The following CNBD1 variants were observed in gnomAD, a reference collection of about 807,000 sequenced individuals.
The protein encoded by CNBD1 is cyclic nucleotide-binding domain-containing protein 1.
CNBD1 carries 71 observed loss-of-function variants against 54.4 expected under a neutral mutation model. That is an observed-to-expected ratio of 1.30 (90% CI 1.08 to 1.59). The LOEUF (loss-of-function observed/expected upper bound fraction) is 1.59, where lower values mean the gene tolerates loss of function less well. Ranked by LOEUF, CNBD1 falls within the 40% of genes most tolerant of loss-of-function variation. CNBD1 has a pLI of 0.00. For missense variants in CNBD1, 659 were observed against 518.0 expected (o/e 1.27, Z -2.64); for synonymous variants, 182 against 170.7 (o/e 1.07, Z -0.51).
chr8:87,356,131 A>C (rs1221021911), intron 10 of CNBD1, among the ~76,000 whole-genome samples: 1 of 152,154 alleles, frequency 6.6e-6, no homozygotes. Flanking sequence ...GAGCCAAATA[A>C]ACTTCTTTTC....
chr8:87,182,508 C>T lies in CNBD1; in HGVS notation c.432-23485C>T, dbSNP rs113592032. Among the ~76,000 whole-genome samples, 2 of 152,066 alleles carry T rather than the reference C, an allele frequency of 1.3e-5. No individual in the cohort carries two copies. Among genetic ancestry groups the T allele is most frequent in the Non-Finnish European group, 2.9e-5 (2 of 68,018 alleles). On this transcript the variant is annotated intron_variant, in intron 4 of 10. Transcript: ENST00000518476. This position sits in a 1 kb window ranked among gnomAD's most constrained non-coding sequence, Gnocchi z 4.1. ...ATAGCTGAAATAATTACATTCCCACCAACAGGGTGCAAGAATTCCCTTTTC... is the reference window on the plus strand; with the variant it reads ...ATAGCTGAAATAATTACATTCCCACTAACAGGGTGCAAGAATTCCCTTTTC...
chr8:86,993,184 T>C (rs1407147138), intron 4 of CNBD1, among the ~76,000 whole-genome samples: 1 of 152,074 alleles, frequency 6.6e-6, no homozygotes, highest in Admixed American at 6.5e-5. Context: ...TTTGTCTGAG[T>C]GCACTGACTT....
intron 2 of CNBD1, among the ~76,000 whole-genome samples, chr8:87,405,796 C>A (rs1446264427): frequency 1.3e-5 from 2 of 152,062 alleles, no homozygotes; most frequent in Admixed American, 1.3e-4. Context: ...GCTAATACAC[C>A]CTGGTCACTG....
intron 5 of CNBD1, among the ~76,000 whole-genome samples, chr8:87,224,585 C>G (rs533284021): frequency 6.6e-6 from 1 of 151,478 alleles, no homozygotes; most frequent in Admixed American, 6.6e-5. Flanking sequence ...GGGCTCTGTT[C>G]TGTTCCATTG....
intron 2 of CNBD1, among the ~76,000 whole-genome samples, chr8:87,421,771 G>C (rs1224255545): frequency 1.3e-4 from 19 of 144,798 alleles, no homozygotes; most frequent in African/African-American, 4.4e-4. Flanking sequence ...ATGATTTATA[G>C]TCCTTTGGGT....
In CNBD1 at chr8:86,878,105, TGAGAGA is replaced by T. The variant is rs34491735; in HGVS notation, c.89-9416_89-9411del. ...CTGTGTGTGTGTGTGTGTGTGTGTG[TGAGAGA>T]GAGAGAGAGAGAGAGAGAGACGGAG... On this transcript the variant is annotated intron_variant, in intron 1 of 10. Coordinates refer to ENST00000518476, the MANE Select transcript of CNBD1 (RefSeq NM_173538.3). Among the ~76,000 whole-genome samples, 25 of 140,970 alleles carry T rather than the reference TGAGAGA, an allele frequency of 1.8e-4. No individual in the cohort carries two copies. In the South Asian group the frequency reaches 5.4e-3, roughly 30 times the overall value. 92.5% of individuals were successfully genotyped at this position (140,970 alleles called of 152,430 possible). A position where few individuals can be genotyped will look rare whatever the true frequency, so the allele number is the denominator to read the frequency against.
chr8:87,150,852 G>C (rs1207605563), intron 4 of CNBD1, among the ~76,000 whole-genome samples: 1 of 152,196 alleles, frequency 6.6e-6, no homozygotes, highest in Admixed American at 6.5e-5. Flanking sequence ...TTGGGTGCTT[G>C]AGAAGGACAT....
intron 10 of CNBD1, among the ~76,000 whole-genome samples, chr8:87,362,419 A>G (rs572969944): frequency 2.0e-5 from 3 of 152,232 alleles, no homozygotes; most frequent in Non-Finnish European, 4.4e-5. Context: ...TTCATCCAAC[A>G]GACAGTCCAA....
At chr8:86,869,086 A>G (rs1245578175) in intron 1 of CNBD1, among the ~76,000 whole-genome samples, 1 of 152,218 alleles carries the variant, frequency 6.6e-6, no homozygotes, top group Non-Finnish European at 1.5e-5. Flanking sequence ...TAGCGTCTCC[A>G]GAAGAATTGC....
At chr8:87,410,721 G>A (rs992857965) in intron 2 of CNBD1, among the ~76,000 whole-genome samples, 1 of 152,100 alleles carries the variant, frequency 6.6e-6, no homozygotes, top group Admixed American at 6.6e-5. Flanking sequence ...AAACAGCATT[G>A]CTGCTACAGA....
intron 8 of CNBD1, among the ~76,000 whole-genome samples, chr8:87,294,222 A>T (rs536108267): frequency 6.6e-6 from 1 of 152,272 alleles, no homozygotes; most frequent in South Asian, 2.1e-4. Flanking sequence ...AATGGAAATA[A>T]ATTAATATGA....
intron 4 of CNBD1, among the ~76,000 whole-genome samples, chr8:87,052,197 T>C (rs1810325696): frequency 6.6e-6 from 1 of 152,156 alleles, no homozygotes. Context: ...CTGGTCCCTG[T>C]TGTAAAAGAC....
At chr8:86,867,816 A>T (rs1391922277) in intron 1 of CNBD1, among the ~76,000 whole-genome samples, 1 of 152,214 alleles carries the variant, frequency 6.6e-6, no homozygotes, top group Non-Finnish European at 1.5e-5. Context: ...AATCAATGAG[A>T]TGAGATTTGT....
At chr8:87,126,069 A>G (rs886318144) in intron 4 of CNBD1, among the ~76,000 whole-genome samples, 5 of 151,878 alleles carry the variant, frequency 3.3e-5, no homozygotes, top group Admixed American at 6.6e-5. Flanking sequence ...TGTCTATCCA[A>G]CATATTGTGG....
intron 4 of CNBD1, among the ~76,000 whole-genome samples, chr8:87,192,194 A>G (rs186382098): frequency 6.6e-6 from 1 of 152,036 alleles, no homozygotes; most frequent in African/African-American, 2.4e-5. Context: ...TAAAATTATA[A>G]TTTTTTTCTA....
chr8:87,377,627 C>G (rs1333191202), intron 10 of CNBD1, among the ~76,000 whole-genome samples: 1 of 150,642 alleles, frequency 6.6e-6, no homozygotes, highest in South Asian at 2.1e-4. Context: ...GTGCATGTGT[C>G]TTTATAGCAG....
chr8:87,419,236 G>A (rs189773108), intron 2 of CNBD1, among the ~76,000 whole-genome samples: 154 of 151,884 alleles, frequency 1.0e-3, no homozygotes, highest in Non-Finnish European at 2.0e-3. Flanking sequence ...TCTAGAATAG[G>A]CAAACATGTC....
chr8:86,876,726 G>A lies in CNBD1; in HGVS notation c.88+10143G>A, dbSNP rs540425912. Among the ~76,000 whole-genome samples the A allele has an allele frequency of 6.6e-5, 10 of 151,714 alleles. No homozygotes were observed. The South Asian group carries it at 2.1e-3, about 32-fold the overall frequency. ...AACTATATTCCATAGGTTCATGAAA[G>A]GCTTCACTATTTTTACTTTATATTT... On this transcript the variant is annotated intron_variant, in intron 1 of 10. Transcript: ENST00000518476.
intron 4 of CNBD1, among the ~76,000 whole-genome samples, chr8:87,114,723 G>C (rs184509950): frequency 1.3e-5 from 2 of 152,118 alleles, no homozygotes; most frequent in Non-Finnish European, 2.9e-5. Context: ...TGCAAGTACC[G>C]TGTCTGCTGT....
Sources: allele counts gnomAD v4.1 joint callset (sites outside exome capture counted in the v4.1 genomes callset), GRCh38; gene constraint gnomAD v4.1.1; non-coding constraint Gnocchi (gnomAD v3.1); transcripts MANE v1.5; gene names NCBI Gene and HGNC (gene_info 2026-07-23, HGNC 2026-07-21).